NCAPG2: variants seen among roughly 807,000 people sequenced by gnomAD.
NCAPG2 encodes non-SMC condensin II complex subunit G2, also known as condensin-2 complex subunit G2.
In NCAPG2, 53 loss-of-function variants were observed where a neutral mutation model predicts 141.1. That is an observed-to-expected ratio of 0.38 (90% CI 0.30 to 0.47). The LOEUF (loss-of-function observed/expected upper bound fraction) is 0.47. Among genes scored for constraint, NCAPG2 ranks in the 20% least tolerant of loss-of-function variants. The probability of loss-of-function intolerance (pLI) is 0.99; values close to 1 mark genes in which losing one functional copy is unlikely to be tolerated. For missense variants in NCAPG2, 1,087 were observed against 1,389.0 expected (o/e 0.78, Z 3.46); for synonymous variants, 499 against 490.7 (o/e 1.02, Z -0.22).
At chr7:158,702,023 G>T in intron 1 of NCAPG2, 85 bp from the exon 2 acceptor site, 1 of 815,442 alleles carries the variant, frequency 1.2e-6, no homozygotes, top group Non-Finnish European at 1.9e-6. Flanking sequence ...TCCAAGAACT[G>T]CAAGAAAATT....
intron 7 of NCAPG2, 43 bp from the exon 8 acceptor site, chr7:158,686,284 A>C: frequency 8.4e-7 from 1 of 1,194,986 alleles, no homozygotes; most frequent in South Asian, 1.5e-5. Context: ...AATTTTAAGA[A>C]TTATTCTTTC....
chr7:158,668,317 G>C (rs1380842276), intron 13 of NCAPG2: 1 of 896,200 alleles, frequency 1.1e-6, no homozygotes, highest in Non-Finnish European at 1.3e-6. Context: ...CCCACTACTG[G>C]GTCCCTCCGC....
At chr7:158,638,192 C>A (rs1433507835) in intron 27 of NCAPG2, among the ~76,000 whole-genome samples, 1 of 152,144 alleles carries the variant, frequency 6.6e-6, no homozygotes, top group Admixed American at 6.5e-5. Context: ...CTATCCGAAT[C>A]ACTGCGTGGT....
intron 2 of NCAPG2, among the ~76,000 whole-genome samples, chr7:158,694,309 G>A (rs374625289): frequency 1.4e-4 from 22 of 152,138 alleles, no homozygotes; most frequent in African/African-American, 5.3e-4. Context: ...AATAAACATA[G>A]ATGCAATACA....
chr7:158,668,359 C>G (rs1452082173), intron 13 of NCAPG2: 90 of 974,306 alleles, frequency 9.2e-5, no homozygotes, highest in Non-Finnish European at 1.0e-4. Context: ...TCCCTCCGCC[C>G]TCCTTACCCA....
At chr7:158,693,174 C>A in intron 3 of NCAPG2, 135 bp downstream of exon 3, 1 of 982,348 alleles carries the variant, frequency 1.0e-6, no homozygotes, top group Non-Finnish European at 1.5e-6. Context: ...AAAACTACAA[C>A]AGACTAAACT....
rs768329859 is a variant in NCAPG2, at chr7:158,664,543, C to A, written c.1687G>T (p.Ala563Ser). ...CACTCCCTACCTATGTTGGTGCAGG[C>A]GGTGTGTTCGTGGGCGTACTGATAG... is the stretch of plus-strand genomic sequence containing the variant. ...RFYQYAHEHT[A>S]CTNIAKLIHV... The change falls in exon 14 of 28, where the codon GCC becomes TCC. Residue 563 changes from alanine (A) to serine (S), a missense_variant. By Grantham distance (99) the Ala-to-Ser change is moderately conservative. Coordinates refer to ENST00000356309, the MANE Select transcript of NCAPG2 (RefSeq NM_017760.7). 3.1e-6 allele frequency: 5 copies of A among 1,613,888 alleles called. No homozygotes were observed. In the African/African-American group the frequency reaches 5.3e-5, roughly 17 times the overall value.
Position 158,655,238 on chromosome 7 carries a change from C to A in NCAPG2, c.2526G>T (p.Val842=). The A allele has an allele frequency of 6.2e-7, 1 of 1,613,880 alleles. No homozygotes were observed. The highest frequency in any genetic ancestry group is 8.5e-7 in the Non-Finnish European group (1 of 1,179,954). The change falls in exon 21 of 28, where the codon GTG becomes GTT. Residue 842 remains valine, a synonymous_variant. Coordinates refer to ENST00000356309, the MANE Select transcript of NCAPG2 (RefSeq NM_017760.7). ...LQHKFCSEGK[V]YLSMLEDTGF... ...CAGTGTCTTCCAACATGGACAAATA[C>A]ACCTTTCCTTCTGAGCAGAACTGTC...
intron 22 of NCAPG2, among the ~76,000 whole-genome samples, chr7:158,653,964 T>TAGGGGCTAGGCGTCAGGGGCC (rs1181321004): frequency 6.6e-6 from 1 of 152,058 alleles, no homozygotes; most frequent in African/African-American, 2.4e-5. Context: ...AGCTAGGGGC[T>TAGGGGCTAGGCGTCAGGGGCC]AGGGGCTAGG....
chr7:158,681,988 TATA>T (rs751893895), intron 9 of NCAPG2, among the ~76,000 whole-genome samples: 15 of 152,322 alleles, frequency 9.8e-5, no homozygotes, highest in South Asian at 2.1e-4. Flanking sequence ...AGGAAGAAAC[TATA>T]ATGTGTTATA....
At chr7:158,674,258 G>A (rs186306816) in intron 12 of NCAPG2, among the ~76,000 whole-genome samples, 19 of 150,980 alleles carry the variant, frequency 1.3e-4, no homozygotes, top group Middle Eastern at 6.9e-3. Context: ...TGCTGAGAGG[G>A]AGAGGTTGAA....
At chr7:158,670,874 C>T (rs747542333) in intron 13 of NCAPG2, among the ~76,000 whole-genome samples, 8 of 152,128 alleles carry the variant, frequency 5.3e-5, no homozygotes, top group Non-Finnish European at 1.2e-4. Flanking sequence ...CAGAACAGCA[C>T]TCAAAGTAAA....
chr7:158,657,839 A>T (rs1049158976), intron 17 of NCAPG2, among the ~76,000 whole-genome samples: 4 of 151,912 alleles, frequency 2.6e-5, no homozygotes, highest in Non-Finnish European at 4.4e-5. Flanking sequence ...GATCCTGTTG[A>T]TCTGTGACCT....
intron 1 of NCAPG2, 94 bp downstream of exon 1, chr7:158,704,629 AC>A (rs1347629806): frequency 2.6e-5 from 4 of 152,328 alleles, no homozygotes; most frequent in Admixed American, 1.3e-4. Flanking sequence ...GGAGGCTGGG[AC>A]CCCGACCAGC....
chr7:158,680,770 T>G lies in NCAPG2; in HGVS notation c.971A>C (p.Glu324Ala), dbSNP rs1563561516. ...CTTATATAATCTATAAAGCATCTCTTCCACTCCCTGCCGAACTTTCTTTTG... is the reference window on the plus strand; with the variant it reads ...CTTATATAATCTATAAAGCATCTCTGCCACTCCCTGCCGAACTTTCTTTTG... ...HHQKKVRQGVEEMLYRLYKPI... is the reference protein window; with the variant it reads ...HHQKKVRQGVAEMLYRLYKPI... The change falls in exon 10 of 28, where the codon GAA becomes GCA. Residue 324 changes from glutamate (E) to alanine (A), a missense_variant. Physicochemically the swap from Glu to Ala is moderately radical, Grantham distance 107. Transcript: ENST00000356309. The G allele has an allele frequency of 6.2e-7, 1 of 1,606,450 alleles. No individual in the cohort carries two copies. The highest frequency in any genetic ancestry group is 2.2e-5 in the East Asian group (1 of 44,686).
chr7:158,696,285 C>A (rs965808393), intron 2 of NCAPG2: 1 of 152,184 alleles, frequency 6.6e-6, no homozygotes, highest in African/African-American at 2.4e-5. Flanking sequence ...TACATGACAA[C>A]CACGGGCTCC....
At chr7:158,701,243 T>C (rs1403686082) in intron 2 of NCAPG2, among the ~76,000 whole-genome samples, 1 of 152,246 alleles carries the variant, frequency 6.6e-6, no homozygotes, top group Admixed American at 6.5e-5. Flanking sequence ...AACCATCATT[T>C]TGAAGAGCAC....
chr7:158,656,751 C>T lies in NCAPG2; in HGVS notation c.2061-46G>A, dbSNP rs781031523. The T allele has an allele frequency of 1.8e-5, 28 of 1,589,652 alleles. No individual in the cohort carries two copies. The Middle Eastern group carries it at 7.7e-4, about 43-fold the overall frequency. On this transcript the variant is annotated intron_variant, in intron 17 of 27. Transcript: ENST00000356309. ...ATCGGACTGAGTATTTCAACGGAGA[C>T]TCCCCAACTTTGTCAAAAGGTGAGG...
intron 8 of NCAPG2, 23 bp downstream of exon 8, chr7:158,686,149 A>T: frequency 7.1e-7 from 1 of 1,413,628 alleles, no homozygotes; most frequent in Non-Finnish European, 9.7e-7. Context: ...AATAAGTGTT[A>T]ACATTTAAAA....
Sources: allele counts gnomAD v4.1 joint callset (sites outside exome capture counted in the v4.1 genomes callset), GRCh38; gene constraint gnomAD v4.1.1; transcripts MANE v1.5; gene names NCBI Gene and HGNC (gene_info 2026-07-23, HGNC 2026-07-21).